The following UTRN variants were observed in gnomAD, a reference collection of about 807,000 sequenced individuals.
UTRN encodes dystrophin-related protein 1.
A neutral mutation model predicts 463.9 loss-of-function variants in UTRN; 283 were observed. The ratio of observed to expected loss-of-function variants is 0.61; its 90% CI spans 0.55 to 0.67. The LOEUF (loss-of-function observed/expected upper bound fraction) is 0.67, where lower values mean the gene tolerates loss of function less well. Among genes scored for constraint, UTRN ranks in the 30% least tolerant of loss-of-function variants. The pLI is 0.00. For missense variants in UTRN, 3,922 were observed against 4,084.3 expected, an observed-to-expected ratio of 0.96 and a Z score of 1.08; for synonymous variants, 1,442 against 1,431.5, an observed-to-expected ratio of 1.01 and a Z score of -0.17.
chr6:144,423,834 T>G, intron 5 of UTRN, 152 bp from the exon 6 acceptor site: 1 of 909,332 alleles, frequency 1.1e-6, no homozygotes, highest in Non-Finnish European at 1.7e-6. Context: ...AATACATTTT[T>G]GAGATTTAAG....
intron 42 of UTRN, among the ~76,000 whole-genome samples, chr6:144,532,722 G>A (rs1232855706): frequency 6.6e-6 from 1 of 152,188 alleles, no homozygotes; most frequent in Non-Finnish European, 1.5e-5. Flanking sequence ...ATTTTTTAAA[G>A]CAATGCCTTC....
chr6:144,490,643 G>A (rs1453962104), intron 31 of UTRN, among the ~76,000 whole-genome samples: 1 of 152,162 alleles, frequency 6.6e-6, no homozygotes, highest in Non-Finnish European at 1.5e-5. Context: ...TGAACATGAA[G>A]TTTTAATTCC....
chr6:144,482,407 T>C lies in UTRN; in HGVS notation c.3687+19T>C. The C allele has an allele frequency of 8.9e-7, 1 of 1,121,056 alleles. No individual in the cohort carries two copies. Among genetic ancestry groups the C allele is most frequent in the Non-Finnish European group, 1.2e-6 (1 of 865,776 alleles). 69.4% of individuals were successfully genotyped at this position (1,121,056 alleles called of 1,614,324 possible). On this transcript the variant is annotated intron_variant, in intron 27 of 74. Coordinates refer to ENST00000367545, the MANE Select transcript of UTRN (RefSeq NM_007124.3). ...GCTAGAGGTATGCTATTATTATTAT[T>C]GTTGTTATTATTATTATTATTATTA...
chr6:144,413,659 G>T (rs1051107213), intron 3 of UTRN, among the ~76,000 whole-genome samples: 1 of 152,154 alleles, frequency 6.6e-6, no homozygotes, highest in African/African-American at 2.4e-5. Context: ...GGTATTTGTG[G>T]TGATGCTGTT....
At chr6:144,448,889 T>TGTC in intron 17 of UTRN, 120 bp downstream of exon 17, 2 of 1,208,700 alleles carry the variant, frequency 1.7e-6, no homozygotes, top group Non-Finnish European at 2.2e-6. Flanking sequence ...AGTATTATTA[T>TGTC]TATGAAAAGT....
intron 46 of UTRN, among the ~76,000 whole-genome samples, chr6:144,544,529 A>G (rs983723753): frequency 5.3e-5 from 8 of 152,052 alleles, no homozygotes; most frequent in Non-Finnish European, 1.2e-4. Context: ...TTTACTTAGC[A>G]TAATGTTTTT....
At chr6:144,671,443 A>C (rs1463082575) in intron 51 of UTRN, among the ~76,000 whole-genome samples, 1 of 151,924 alleles carries the variant, frequency 6.6e-6, no homozygotes, top group Non-Finnish European at 1.5e-5. Context: ...CGGCTTGGTC[A>C]CTGTTGGTGT....
At chr6:144,811,388 G>A (rs1367320329) in intron 65 of UTRN, among the ~76,000 whole-genome samples, 1 of 152,126 alleles carries the variant, frequency 6.6e-6, no homozygotes, top group African/African-American at 2.4e-5. Flanking sequence ...TGAAAACGCA[G>A]CATCACGGCT....
At chr6:144,793,598 C>T (rs1223778184) in intron 62 of UTRN, among the ~76,000 whole-genome samples, 1 of 152,114 alleles carries the variant, frequency 6.6e-6, no homozygotes, top group Non-Finnish European at 1.5e-5. Context: ...ATACATAACC[C>T]ATTCTTGCAG....
At chr6:144,639,347 A>C (rs934431801) in intron 51 of UTRN, among the ~76,000 whole-genome samples, 5 of 151,732 alleles carry the variant, frequency 3.3e-5, no homozygotes, top group Admixed American at 3.3e-4. Flanking sequence ...CTCCATACTT[A>C]ACTAATTTTC....
chr6:144,737,070 T>G (rs191730125), intron 54 of UTRN, among the ~76,000 whole-genome samples: 1 of 152,312 alleles, frequency 6.6e-6, no homozygotes, highest in East Asian at 1.9e-4. Context: ...TGTCTGTGTC[T>G]GAAGCTTGGC....
chr6:144,546,237 T>C (rs901783850), intron 46 of UTRN, among the ~76,000 whole-genome samples: 8 of 152,198 alleles, frequency 5.3e-5, no homozygotes, highest in African/African-American at 1.9e-4. Context: ...GGGTGCTGTC[T>C]GGATTACTTG....
intron 37 of UTRN, among the ~76,000 whole-genome samples, chr6:144,515,185 G>A (rs1172419483): frequency 3.3e-5 from 5 of 152,172 alleles, no homozygotes; most frequent in Admixed American, 3.3e-4. Context: ...AATTACAGGT[G>A]TGAGCTGCTG....
chr6:144,612,676 G>T (rs1805648237), intron 51 of UTRN, among the ~76,000 whole-genome samples: 1 of 152,086 alleles, frequency 6.6e-6, no homozygotes, highest in Non-Finnish European at 1.5e-5. Context: ...AGTTAGAATG[G>T]CTGTTGTCAA....
chr6:144,547,081 G>C (rs1391251523), intron 46 of UTRN, among the ~76,000 whole-genome samples: 1 of 152,196 alleles, frequency 6.6e-6, no homozygotes, highest in East Asian at 1.9e-4. Flanking sequence ...TCTTAACCTA[G>C]AGCTTCTCAG....
chr6:144,526,420 A>G (rs1310279934), intron 41 of UTRN, among the ~76,000 whole-genome samples: 2 of 152,154 alleles, frequency 1.3e-5, no homozygotes, highest in South Asian at 4.1e-4. Flanking sequence ...TAGTCTTTTT[A>G]TCATTATATA....
chr6:144,689,727 TTC>T (rs913964205), intron 52 of UTRN, among the ~76,000 whole-genome samples: 1 of 152,184 alleles, frequency 6.6e-6, no homozygotes, highest in Non-Finnish European at 1.5e-5. Context: ...CTCTGTGATA[TTC>T]CTTGGTTATA....
intron 3 of UTRN, among the ~76,000 whole-genome samples, chr6:144,403,917 A>G (rs980728159): frequency 2.2e-4 from 34 of 152,242 alleles, no homozygotes; most frequent in African/African-American, 8.2e-4. Flanking sequence ...ACAAGATGAA[A>G]AATAGAAGTT....
At chr6:144,730,774 TAAAAA>T (rs994145269) in intron 54 of UTRN, among the ~76,000 whole-genome samples, 16 of 151,632 alleles carry the variant, frequency 1.1e-4, no homozygotes, top group African/African-American at 3.9e-4. Flanking sequence ...CTATAAGAAA[TAAAAA>T]TTTATATTAT....
Sources: allele counts gnomAD v4.1 joint callset (sites outside exome capture counted in the v4.1 genomes callset), GRCh38; gene constraint gnomAD v4.1.1; transcripts MANE v1.5; gene names NCBI Gene and HGNC (gene_info 2026-07-23, HGNC 2026-07-21).